C11orf54: variants seen among roughly 807,000 people sequenced by gnomAD.
The protein encoded by C11orf54 is beta-keto-L-gulonate decarboxylase, also known as beta-keto L-gulonate decarboxylase.
In C11orf54, 29 loss-of-function variants were observed where a neutral mutation model predicts 35.5. The observed-to-expected ratio is 0.82, with a 90% CI of 0.61 to 1.11. C11orf54 has a LOEUF of 1.11. Among genes scored for constraint, C11orf54 ranks in the 50% most tolerant of loss-of-function variants. The pLI, the probability that C11orf54 is intolerant of heterozygous loss-of-function variation, is 0.00. For missense variants in C11orf54, 373 were observed against 369.2 expected (o/e 1.01, Z -0.08); for synonymous variants, 108 against 121.1 (o/e 0.89, Z 0.71).
rs1465101241 is a variant in C11orf54 at position 93,762,495 on chromosome 11, G to A, written c.*807G>A. ...TGCCTTTCACAAACATTAGCAGTCC[G>A]GGCATGGTGGCTGAAGCCTGTGATC... On this transcript the variant is annotated 3_prime_UTR_variant, in exon 9 of 9. Transcript: ENST00000354421. 1.3e-5 allele frequency: 2 copies of A among 152,124 alleles called. No individual in the cohort carries two copies. Among genetic ancestry groups the A allele is most frequent in the African/African-American group, 2.4e-5 (1 of 41,424 alleles). 9.4% of individuals were successfully genotyped at this position (152,124 alleles called of 1,614,324 possible). A position where few individuals can be genotyped will look rare whatever the true frequency, so the allele number is the denominator to read the frequency against.
chr11:93,743,408 C>T (rs1035249794), intron 1 of C11orf54, among the ~76,000 whole-genome samples: 1 of 152,188 alleles, frequency 6.6e-6, no homozygotes, highest in Non-Finnish European at 1.5e-5. Flanking sequence ...GTGGGTCTTG[C>T]GGCTGCGGTG....
At chr11:93,752,629 T>G (rs1391077009) in intron 3 of C11orf54, among the ~76,000 whole-genome samples, 1 of 152,162 alleles carries the variant, frequency 6.6e-6, no homozygotes, top group African/African-American at 2.4e-5. Context: ...AATTCTTTCC[T>G]TAGCCTCTTC....
At chr11:93,750,989 T>C (rs1742750744) in intron 3 of C11orf54, among the ~76,000 whole-genome samples, 1 of 152,216 alleles carries the variant, frequency 6.6e-6, no homozygotes, top group East Asian at 1.9e-4. Flanking sequence ...GTAGTAGCCC[T>C]TGTTTATAGA....
rs1193178786 is a variant in C11orf54, at chr11:93,761,841, A to G, written c.*153A>G. The G allele has an allele frequency of 3.1e-6, 2 of 654,256 alleles. No individual in the cohort carries two copies. The highest frequency in any genetic ancestry group is 4.5e-6 in the Non-Finnish European group (2 of 446,554). 40.5% of individuals were successfully genotyped at this position (654,256 alleles called of 1,614,324 possible). A position where few individuals can be genotyped will look rare whatever the true frequency, so the allele number is the denominator to read the frequency against. On this transcript the variant is annotated 3_prime_UTR_variant, in exon 9 of 9. Transcript: ENST00000354421. ...TCCCAGCACTTTGGGAGGCTGAGGC[A>G]GGAAGCACACTGGAGCCCAGGAGTT...
chr11:93,745,372 C>G (rs1301777616), intron 1 of C11orf54, among the ~76,000 whole-genome samples: 3 of 152,158 alleles, frequency 2.0e-5, no homozygotes, highest in Admixed American at 6.5e-5. Flanking sequence ...TGCAGTGCAT[C>G]ATGTCCCTGG....
intron 1 of C11orf54, chr11:93,742,209 T>C (rs919450910): frequency 1.3e-5 from 2 of 152,518 alleles, no homozygotes; most frequent in African/African-American, 4.8e-5. Flanking sequence ...ACACCATTAG[T>C]TCCTTGACCG....
At chr11:93,751,684 G>A (rs933837194) in intron 3 of C11orf54, among the ~76,000 whole-genome samples, 12 of 151,850 alleles carry the variant, frequency 7.9e-5, no homozygotes, top group African/African-American at 2.7e-4. Flanking sequence ...GATTACAGGC[G>A]TGAGCCACCA....
chr11:93,753,892 T>G, intron 4 of C11orf54, 44 bp from the exon 5 acceptor site: 1 of 1,583,846 alleles, frequency 6.3e-7, no homozygotes, highest in Non-Finnish European at 8.7e-7. Flanking sequence ...ACCAGGGACT[T>G]TGTACAAGTT....
At chr11:93,749,504 C>CAAAAAA (rs10624807) in intron 2 of C11orf54, among the ~76,000 whole-genome samples, 6 of 71,734 alleles carry the variant, frequency 8.4e-5, no homozygotes, top group African/African-American at 1.3e-4. Flanking sequence ...GACTCTGTCT[C>CAAAAAA]AAAAAAAAAA....
At position 93,761,515 on chromosome 11, in the gene C11orf54, G is replaced by T. The variant is rs1943468908; in HGVS notation, c.775G>T (p.Gly259Trp). The T allele has an allele frequency of 1.2e-6, 2 of 1,600,716 alleles. No individual in the cohort carries two copies. The highest frequency in any genetic ancestry group is 2.7e-5 in the African/African-American group (2 of 74,368). The stretch of plus-strand genomic sequence containing the variant: ...ACATATTGTTTGTCTGTTATCTTAG[G>T]GGTTTGATTTGCGACTGGAGCACAC... ...CLPVFVSRDP[G>W]FDLRLEHTHF... is the part of the protein sequence containing the mutation. Residue 259 changes from glycine (G) to tryptophan (W), a missense_variant and splice_region_variant, in exon 9 of 9, where the codon GGG (glycine) becomes TGG (tryptophan). Coordinates refer to ENST00000354421, the MANE Select transcript of C11orf54 (RefSeq NM_001286069.2).
At chr11:93,758,743 G>A (rs917394241) in intron 7 of C11orf54, among the ~76,000 whole-genome samples, 5 of 152,242 alleles carry the variant, frequency 3.3e-5, no homozygotes, top group Non-Finnish European at 5.9e-5. Context: ...GCGGCTGAGA[G>A]CAGCTCCCCA....
intron 2 of C11orf54, among the ~76,000 whole-genome samples, chr11:93,748,061 T>G (rs1397373685): frequency 2.0e-5 from 3 of 152,248 alleles, no homozygotes; most frequent in Non-Finnish European, 1.5e-5. Context: ...CTCTAGGTTC[T>G]GTTCTAATGG....
intron 7 of C11orf54, among the ~76,000 whole-genome samples, chr11:93,759,358 A>T (rs1031157840): frequency 6.6e-6 from 1 of 152,206 alleles, no homozygotes; most frequent in Non-Finnish European, 1.5e-5. Context: ...ACATGGATGA[A>T]GCTGGAAACC....
intron 8 of C11orf54, among the ~76,000 whole-genome samples, chr11:93,761,063 G>A (rs1943439648): frequency 6.6e-6 from 1 of 152,148 alleles, no homozygotes; most frequent in Non-Finnish European, 1.5e-5. Context: ...CAGTATTGTT[G>A]TAGTAGCAAA....
Position 93,755,399 on chromosome 11 carries a change from A to G in C11orf54, c.507+13A>G. On this transcript the variant is annotated intron_variant, in intron 6 of 8. Transcript: ENST00000354421. ...CCAACCTGGCAAGGTGATTGTGTCC[A>G]TAAAAATACAATATTCCCTAAATGT... 6.2e-7 allele frequency: 1 copy of G among 1,609,604 alleles called. No individual in the cohort carries two copies. Among genetic ancestry groups the G allele is most frequent in the South Asian group, 1.1e-5 (1 of 90,804 alleles).
chr11:93,752,309 C>T (rs1025065266), intron 3 of C11orf54, among the ~76,000 whole-genome samples: 1 of 152,060 alleles, frequency 6.6e-6, no homozygotes, highest in Non-Finnish European at 1.5e-5. Context: ...ACCAAACTGG[C>T]CAACATGGTG....
chr11:93,743,232 C>T (rs763469052), intron 1 of C11orf54, among the ~76,000 whole-genome samples: 1 of 152,118 alleles, frequency 6.6e-6, no homozygotes, highest in African/African-American at 2.4e-5. Flanking sequence ...AACTCTTGAC[C>T]TCAAGTGATC....
intron 7 of C11orf54, 55 bp from the exon 8 acceptor site, chr11:93,759,687 T>G: frequency 1.1e-6 from 1 of 884,634 alleles, no homozygotes; most frequent in Admixed American, 2.7e-5. Context: ...TTTTAAAATT[T>G]TTAATTCTTA....
intron 7 of C11orf54, 86 bp from the exon 8 acceptor site, chr11:93,759,650 CAATAAT>C (rs1286912753): frequency 3.6e-6 from 2 of 550,688 alleles, no homozygotes; most frequent in Admixed American, 7.9e-5. Context: ...TATAATTAAA[CAATAAT>C]AATAAATAAG....
Sources: gnomAD v4.1 joint callset for allele counts (sites outside exome capture counted in the v4.1 genomes callset) on GRCh38, gnomAD v4.1.1 for gene constraint, MANE v1.5 for transcripts, NCBI Gene and HGNC (gene_info 2026-07-23, HGNC 2026-07-21) for gene names.